The following GRK5 variants were observed in gnomAD, a reference collection of about 807,000 sequenced individuals.
The protein encoded by GRK5 is G protein-coupled receptor kinase 5.
Under a neutral mutation model 78.4 loss-of-function variants are expected in GRK5, and 40 were observed. The ratio of observed to expected loss-of-function variants is 0.51; its 90% CI spans 0.40 to 0.66. The LOEUF (loss-of-function observed/expected upper bound fraction) is 0.66, where lower values mean the gene tolerates loss of function less well. GRK5 is among the 30% of genes least tolerant of loss of function. The pLI is 0.00. For synonymous variants in GRK5, 289 were observed against 296.8 expected (o/e 0.97, Z 0.27); for missense variants, 598 against 759.9 (o/e 0.79, Z 2.50).
Position 119,267,803 on chromosome 10 carries a change from G to T in GRK5, c.53-58713G>T, listed in dbSNP as rs960112177. Among the ~76,000 whole-genome samples the T allele has an allele frequency of 6.6e-5, 10 of 152,124 alleles. No homozygotes were observed. Among genetic ancestry groups the T allele is most frequent in the African/African-American group, 2.4e-4 (10 of 41,428 alleles). ...CACACAAACAATGACATGGAACAGG[G>T]AGGCGCTCCCATGTCAGAAGATGGG... is the stretch of plus-strand genomic sequence containing the variant. On this transcript the variant is annotated intron_variant, in intron 1 of 15. Coordinates refer to ENST00000392870, the MANE Select transcript of GRK5 (RefSeq NM_005308.3). The surrounding 1 kb of genome is among the most constrained non-coding windows in gnomAD (Gnocchi z 4.1).
At chr10:119,451,594 C>T (rs1466681270) in intron 13 of GRK5, among the ~76,000 whole-genome samples, 1 of 152,230 alleles carries the variant, frequency 6.6e-6, no homozygotes, top group African/African-American at 2.4e-5. Context: ...GTGGCGTGCA[C>T]CCCGGGCTTT....
chr10:119,290,364 CAAA>C (rs1554903192), intron 1 of GRK5, among the ~76,000 whole-genome samples: 1 of 115,336 alleles, frequency 8.7e-6, no homozygotes, highest in African/African-American at 3.4e-5. Flanking sequence ...AAAAAAAAAA[CAAA>C]AAACAACTCT....
chr10:119,412,661 T>G lies in GRK5; in HGVS notation c.340-10505T>G, dbSNP rs1852369695. ...TGGCTTTTCCACATGGCCCTGAAGG[T>G]TTTGATTAAAAAGGTGGAAGAATGG... On this transcript the variant is annotated intron_variant, in intron 4 of 15. Transcript: ENST00000392870. The surrounding 1 kb of genome is among the most constrained non-coding windows in gnomAD (Gnocchi z 4.3). Among the ~76,000 whole-genome samples the G allele has an allele frequency of 6.6e-6, 1 of 152,008 alleles. No individual in the cohort carries two copies.
At chr10:119,249,462 A>C (rs911257736) in intron 1 of GRK5, among the ~76,000 whole-genome samples, 4 of 152,178 alleles carry the variant, frequency 2.6e-5, no homozygotes, top group African/African-American at 7.2e-5. Context: ...TCAAATATGT[A>C]TGAATTGTGT....
intron 1 of GRK5, among the ~76,000 whole-genome samples, chr10:119,250,332 G>A (rs1184451721): frequency 6.6e-6 from 1 of 152,040 alleles, no homozygotes; most frequent in Non-Finnish European, 1.5e-5. Flanking sequence ...AACTTTCTTT[G>A]CCATTCTCCC....
rs943189919 is a variant in GRK5 at position 119,292,080 on chromosome 10, T to C, written c.53-34436T>C. On this transcript the variant is annotated intron_variant, in intron 1 of 15. Coordinates refer to ENST00000392870, the MANE Select transcript of GRK5 (RefSeq NM_005308.3). Reference sequence around the variant, plus strand: ...CCTCCTCTTCCTCCTTCTCCTCCTCTTCCTCCTCCTTCTCCTCTTCCTCCT... The same window carrying C: ...CCTCCTCTTCCTCCTTCTCCTCCTCCTCCTCCTCCTTCTCCTCTTCCTCCT... Among the ~76,000 whole-genome samples the C allele has an allele frequency of 1.1e-3, 60 of 53,648 alleles. 2 individuals are homozygous for C. Among genetic ancestry groups the C allele is most frequent in the East Asian group, 2.4e-3 (3 of 1,234 alleles). 35.2% of individuals were successfully genotyped at this position (53,648 alleles called of 152,430 possible).
chr10:119,410,754 C>G (rs1852323384), intron 4 of GRK5, among the ~76,000 whole-genome samples: 1 of 151,840 alleles, frequency 6.6e-6, no homozygotes, highest in Non-Finnish European at 1.5e-5. Context: ...GGAAGAGTTC[C>G]TAGCGCACAA....
At chr10:119,326,474 C>A in intron 1 of GRK5, 42 bp from the exon 2 acceptor site, 1 of 1,535,210 alleles carries the variant, frequency 6.5e-7, no homozygotes, top group Non-Finnish European at 9.0e-7. Flanking sequence ...ACGCCGCAGG[C>A]TCTGGAGCCT....
At chr10:119,342,602 C>A (rs1485228907) in intron 2 of GRK5, among the ~76,000 whole-genome samples, 1 of 152,176 alleles carries the variant, frequency 6.6e-6, no homozygotes, top group Non-Finnish European at 1.5e-5. Context: ...CCGTCCCGTG[C>A]GGTGCAGAGC....
chr10:119,436,011 A>G (rs1330367373), intron 8 of GRK5, among the ~76,000 whole-genome samples: 1 of 152,232 alleles, frequency 6.6e-6, no homozygotes. Context: ...GGTCTGTGAG[A>G]CATATTCACT....
intron 2 of GRK5, among the ~76,000 whole-genome samples, chr10:119,368,207 C>T (rs1024955558): frequency 6.6e-6 from 1 of 152,234 alleles, no homozygotes; most frequent in East Asian, 1.9e-4. Context: ...CTGAAATGCA[C>T]TTGGGAGAGA....
intron 1 of GRK5, among the ~76,000 whole-genome samples, chr10:119,239,858 T>G (rs1238831101): frequency 1.3e-5 from 2 of 152,232 alleles, no homozygotes; most frequent in African/African-American, 2.4e-5. Context: ...TCATCCTTTT[T>G]TATGGCTGCA....
At chr10:119,231,330 T>G (rs969082007) in intron 1 of GRK5, among the ~76,000 whole-genome samples, 1 of 152,050 alleles carries the variant, frequency 6.6e-6, no homozygotes, top group African/African-American at 2.4e-5. Context: ...CAAATACTGC[T>G]GTACCCCAAT....
chr10:119,267,359 G>A lies in GRK5; in HGVS notation c.53-59157G>A, dbSNP rs189655356. 8.5e-5 allele frequency among the ~76,000 whole-genome samples: 13 copies of A among 152,348 alleles called. No homozygotes were observed. Among genetic ancestry groups the A allele is most frequent in the East Asian group, 1.9e-4 (1 of 5,180 alleles). Reference sequence around the variant, plus strand: ...TGGCCTCCCAAAGTGTGGGATTACAGGTGTGAGCCACCGTGCCTAGCTGTG... The same window carrying A: ...TGGCCTCCCAAAGTGTGGGATTACAAGTGTGAGCCACCGTGCCTAGCTGTG... On this transcript the variant is annotated intron_variant, in intron 1 of 15. Coordinates refer to ENST00000392870, the MANE Select transcript of GRK5 (RefSeq NM_005308.3). This position sits in a 1 kb window ranked among gnomAD's most constrained non-coding sequence, Gnocchi z 4.1.
chr10:119,385,040 A>G (rs1057470666), intron 3 of GRK5, among the ~76,000 whole-genome samples: 1 of 151,738 alleles, frequency 6.6e-6, no homozygotes, highest in Non-Finnish European at 1.5e-5. Flanking sequence ...CCAAGTGAAT[A>G]TGTGGTGAAA....
rs1853407735 is a variant in GRK5, at chr10:119,456,801, G to C, written c.*1734G>C. The C allele has an allele frequency of 6.6e-6, 1 of 152,310 alleles. No individual in the cohort carries two copies. The highest frequency in any genetic ancestry group is 2.1e-4 in the South Asian group (1 of 4,830). The allele number at this position is 152,310 out of a possible 1,614,324, so 9.4% of individuals were successfully genotyped here. A position where few individuals can be genotyped will look rare whatever the true frequency, so the allele number is the denominator to read the frequency against. ...AGGCAGCATTGGAGCATGAGCCGTG[G>C]GGAGGACAGTCGTGAGCACACCAGC... On this transcript the variant is annotated 3_prime_UTR_variant, in exon 16 of 16. Coordinates refer to ENST00000392870, the MANE Select transcript of GRK5 (RefSeq NM_005308.3). The surrounding 1 kb of genome is among the most constrained non-coding windows in gnomAD (Gnocchi z 5.5).
chr10:119,315,805 G>A lies in GRK5; in HGVS notation c.53-10711G>A, dbSNP rs892930135. On this transcript the variant is annotated intron_variant, in intron 1 of 15. Coordinates refer to ENST00000392870, the MANE Select transcript of GRK5 (RefSeq NM_005308.3). ...TGATCCTTCCACATGCAGTCACTGC[G>A]ACACCTGAGACCCTCCCAGACTGAT... 5.9e-5 allele frequency among the ~76,000 whole-genome samples: 9 copies of A among 152,238 alleles called. No homozygotes were observed. The South Asian group carries it at 1.5e-3, about 25-fold the overall frequency.
At chr10:119,343,308 C>T (rs1342112164) in intron 2 of GRK5, among the ~76,000 whole-genome samples, 1 of 152,174 alleles carries the variant, frequency 6.6e-6, no homozygotes, top group Non-Finnish European at 1.5e-5. Context: ...TCAGCAGGTT[C>T]AGCGTTATCC....
chr10:119,425,239 T>C (rs1405339602), intron 6 of GRK5, among the ~76,000 whole-genome samples, 154 bp downstream of exon 6: 1 of 147,966 alleles, frequency 6.8e-6, no homozygotes, highest in Non-Finnish European at 1.5e-5. Flanking sequence ...ATTCTAGAAA[T>C]GCTGTATGCT....
Sources: gnomAD v4.1 joint callset for allele counts (sites outside exome capture counted in the v4.1 genomes callset) on GRCh38, gnomAD v4.1.1 for gene constraint, Gnocchi (gnomAD v3.1) non-coding constraint, MANE v1.5 for transcripts, NCBI Gene and HGNC (gene_info 2026-07-23, HGNC 2026-07-21) for gene names.